Variants in THSD7B observed in about 807,000 individuals in gnomAD.
THSD7B encodes thrombospondin type 1 domain containing 7B.
A neutral mutation model predicts 213.6 loss-of-function variants in THSD7B; 138 were observed. The ratio of observed to expected loss-of-function variants is 0.65; its 90% CI spans 0.56 to 0.74. The LOEUF is 0.74. THSD7B is among the 30% of genes least tolerant of loss of function. The pLI is 0.00. For synonymous variants in THSD7B, 742 were observed against 687.0 expected, an observed-to-expected ratio of 1.08 and a Z score of -1.25; for missense variants, 1,931 against 1,991.5, an observed-to-expected ratio of 0.97 and a Z score of 0.58.
At chr2:137,439,159 G>C (rs1015386285) in intron 14 of THSD7B, among the ~76,000 whole-genome samples, 3 of 152,096 alleles carry the variant, frequency 2.0e-5, no homozygotes. Flanking sequence ...TATATTATGA[G>C]AGAGCAATGA....
chr2:136,825,539 C>G (rs1397234135), intron 1 of THSD7B, among the ~76,000 whole-genome samples: 1 of 151,956 alleles, frequency 6.6e-6, no homozygotes, highest in African/African-American at 2.4e-5. Flanking sequence ...ATCTTTTTAA[C>G]CTAGCCAGGA....
chr2:137,439,717 T>C (rs1687362345), intron 14 of THSD7B, among the ~76,000 whole-genome samples: 1 of 152,180 alleles, frequency 6.6e-6, no homozygotes, highest in Non-Finnish European at 1.5e-5. Flanking sequence ...GAATTCATTC[T>C]TGTACATTGA....
intron 27 of THSD7B, among the ~76,000 whole-genome samples, chr2:137,671,008 A>G (rs1683560528): frequency 6.6e-6 from 1 of 151,666 alleles, no homozygotes; most frequent in Non-Finnish European, 1.5e-5. Context: ...GTCTACATCT[A>G]CCTTTCAGAT....
chr2:137,294,841 A>C (rs1362664279), intron 12 of THSD7B, among the ~76,000 whole-genome samples: 1 of 152,122 alleles, frequency 6.6e-6, no homozygotes, highest in Non-Finnish European at 1.5e-5. Context: ...ACTGGTATGC[A>C]TAGTGTCTGG....
chr2:136,871,545 A>G (rs567856104), intron 1 of THSD7B, among the ~76,000 whole-genome samples: 4 of 152,284 alleles, frequency 2.6e-5, no homozygotes, highest in African/African-American at 9.6e-5. Flanking sequence ...TTGGGCAACA[A>G]CCAGAAATGT....
chr2:137,548,461 C>T (rs1680782391), intron 15 of THSD7B, among the ~76,000 whole-genome samples: 1 of 151,938 alleles, frequency 6.6e-6, no homozygotes, highest in South Asian at 2.1e-4. Flanking sequence ...TCAGCCCTTC[C>T]ACACACTCTC....
At chr2:136,838,258 T>C (rs974956847) in intron 1 of THSD7B, among the ~76,000 whole-genome samples, 3 of 152,116 alleles carry the variant, frequency 2.0e-5, no homozygotes, top group Admixed American at 6.5e-5. Context: ...CTTCCTTGGA[T>C]TGGGATTATA....
At chr2:136,786,649 C>T (rs80254087) in intron 1 of THSD7B, among the ~76,000 whole-genome samples, 5,405 of 152,132 alleles carry the variant, frequency 0.036, 311 homozygotes, top group African/African-American at 0.12. Context: ...ATTCAGATTG[C>T]ACCATATCGG....
intron 26 of THSD7B, among the ~76,000 whole-genome samples, chr2:137,664,242 A>G (rs1187455266): frequency 2.6e-5 from 4 of 152,216 alleles, no homozygotes; most frequent in Admixed American, 2.0e-4. Context: ...ACAAAATTGG[A>G]ATAGAACCTC....
At chr2:137,649,163 C>G (rs932923412) in intron 21 of THSD7B, among the ~76,000 whole-genome samples, 3 of 151,852 alleles carry the variant, frequency 2.0e-5, no homozygotes, top group African/African-American at 7.3e-5. Context: ...TTTATTTATT[C>G]TGGTTATTAA....
chr2:137,107,865 C>A (rs1385413612), intron 4 of THSD7B, among the ~76,000 whole-genome samples: 2 of 152,122 alleles, frequency 1.3e-5, no homozygotes, highest in Non-Finnish European at 2.9e-5. Context: ...AATCAATAGT[C>A]CCACTTTATC....
At chr2:137,201,584 CATT>C (rs1213258808) in intron 7 of THSD7B, among the ~76,000 whole-genome samples, 1 of 152,134 alleles carries the variant, frequency 6.6e-6, no homozygotes, top group Non-Finnish European at 1.5e-5. Flanking sequence ...TATATATAAT[CATT>C]ATTTGTCAAT....
intron 2 of THSD7B, among the ~76,000 whole-genome samples, chr2:136,935,263 T>G (rs1684702664): frequency 6.6e-6 from 1 of 152,188 alleles, no homozygotes; most frequent in Non-Finnish European, 1.5e-5. Context: ...TGAGACCCTT[T>G]TGAACACTGA....
chr2:137,245,927 C>T (rs577226796), intron 10 of THSD7B, among the ~76,000 whole-genome samples: 22 of 152,176 alleles, frequency 1.4e-4, no homozygotes, highest in African/African-American at 3.1e-4. Flanking sequence ...TTCAATAGAC[C>T]GAAATGGGGC....
chr2:137,589,889 G>A (rs1354788310), intron 17 of THSD7B, among the ~76,000 whole-genome samples: 1 of 152,122 alleles, frequency 6.6e-6, no homozygotes, highest in African/African-American at 2.4e-5. Context: ...CTGTTAGATT[G>A]AGATCATTTA....
In THSD7B at chr2:137,273,013, C is replaced by T. The variant is rs568091293; in HGVS notation, c.2396+351C>T. ...GGAGAAGAAATACACACCACACACA[C>T]GGGAGAAGGAATACACACACACACA... On this transcript the variant is annotated intron_variant, in intron 11 of 27. Transcript: ENST00000409968. Among the ~76,000 whole-genome samples the T allele has an allele frequency of 9.7e-5, 13 of 133,620 alleles. No homozygotes were observed. In the South Asian group the frequency reaches 1.1e-3, roughly 11 times the overall value. The allele number at this position is 133,620 out of a possible 152,430, so 87.7% of individuals were successfully genotyped here.
chr2:137,167,192 ATTATTTAT>A (rs565152667), intron 6 of THSD7B, among the ~76,000 whole-genome samples: 1 of 150,752 alleles, frequency 6.6e-6, no homozygotes, highest in African/African-American at 2.4e-5. Flanking sequence ...TTTTTATTTT[ATTATTTAT>A]TTATTTATTT....
At chr2:136,952,433 A>ATTTTTT (rs1374089655) in intron 2 of THSD7B, among the ~76,000 whole-genome samples, 2 of 104,360 alleles carry the variant, frequency 1.9e-5, no homozygotes, top group African/African-American at 7.3e-5. Flanking sequence ...TGGGCAGAAA[A>ATTTTTT]CTTTTTTTTT....
At chr2:137,476,645 A>G (rs1025948876) in intron 15 of THSD7B, among the ~76,000 whole-genome samples, 10 of 152,104 alleles carry the variant, frequency 6.6e-5, no homozygotes, top group African/African-American at 2.4e-4. Context: ...ATCTCAGCTC[A>G]CTGCCACCTC....
Sources: allele counts gnomAD v4.1 joint callset (sites outside exome capture counted in the v4.1 genomes callset), GRCh38; gene constraint gnomAD v4.1.1; transcripts MANE v1.5; gene names NCBI Gene and HGNC (gene_info 2026-07-23, HGNC 2026-07-21).